The following PEX14 variants were observed in gnomAD, a reference collection of about 807,000 sequenced individuals.
The protein encoded by PEX14 is peroxisomal biogenesis factor 14, also known as peroxisomal membrane protein PEX14.
PEX14 carries 15 observed loss-of-function variants against 49.5 expected under a neutral mutation model. That is an observed-to-expected ratio of 0.30 (90% CI 0.20 to 0.47). The LOEUF (loss-of-function observed/expected upper bound fraction) is 0.47. Among genes scored for constraint, PEX14 ranks in the 20% least tolerant of loss-of-function variants. The probability of loss-of-function intolerance (pLI) is 1.00; values close to 1 mark genes in which losing one functional copy is unlikely to be tolerated. For synonymous variants in PEX14, 210 were observed against 212.7 expected, an observed-to-expected ratio of 0.99 and a Z score of 0.11; for missense variants, 398 against 494.8, an observed-to-expected ratio of 0.80 and a Z score of 1.86.
At chr1:10,505,248 T>C (rs1459853860) in intron 2 of PEX14, among the ~76,000 whole-genome samples, 2 of 152,074 alleles carry the variant, frequency 1.3e-5, no homozygotes, top group African/African-American at 4.8e-5. Context: ...GGCAAGAGAA[T>C]TGCTTGAGCC....
At chr1:10,588,967 A>G (rs1640580991) in intron 3 of PEX14, among the ~76,000 whole-genome samples, 1 of 152,212 alleles carries the variant, frequency 6.6e-6, no homozygotes, top group South Asian at 2.1e-4. Context: ...AGAATTTTGT[A>G]TTATCTGTGG....
intron 5 of PEX14, among the ~76,000 whole-genome samples, chr1:10,622,250 G>A (rs1337330425): frequency 6.6e-6 from 1 of 152,138 alleles, no homozygotes; most frequent in East Asian, 1.9e-4. Flanking sequence ...TGGCCCTGCC[G>A]CATTCACTTT....
chr1:10,591,678 G>GT (rs1557862677), intron 3 of PEX14, among the ~76,000 whole-genome samples: 21 of 80,856 alleles, frequency 2.6e-4, no homozygotes, highest in Admixed American at 4.8e-4. Flanking sequence ...TGTGTGTGTG[G>GT]ACTTCTCTGT....
chr1:10,606,880 T>C (rs147250511), intron 4 of PEX14, among the ~76,000 whole-genome samples: 2 of 152,220 alleles, frequency 1.3e-5, no homozygotes, highest in Admixed American at 1.3e-4. Flanking sequence ...CTTATTGAGA[T>C]GTAATTTACG....
intron 3 of PEX14, among the ~76,000 whole-genome samples, chr1:10,562,107 G>C (rs1047522540): frequency 1.3e-5 from 2 of 152,028 alleles, no homozygotes; most frequent in Non-Finnish European, 2.9e-5. Context: ...GGCTGGTCTT[G>C]AACTCCTGGT....
intron 3 of PEX14, 70 bp from the exon 4 acceptor site, chr1:10,599,168 T>G: frequency 1.3e-6 from 2 of 1,525,890 alleles, no homozygotes; most frequent in Non-Finnish European, 1.8e-6. Context: ...CTTTGCTCAG[T>G]GAAGATTCTG....
At chr1:10,592,670 G>C (rs998559021) in intron 3 of PEX14, among the ~76,000 whole-genome samples, 4 of 152,202 alleles carry the variant, frequency 2.6e-5, no homozygotes, top group Non-Finnish European at 5.9e-5. Flanking sequence ...AAGGGAGTAC[G>C]TCTGCCTTGT....
At chr1:10,598,590 A>G (rs1186804991) in intron 3 of PEX14, among the ~76,000 whole-genome samples, 3 of 152,238 alleles carry the variant, frequency 2.0e-5, no homozygotes, top group Non-Finnish European at 2.9e-5. Context: ...AAAACTAGCC[A>G]AAGGCGATAC....
rs147734656 is a variant in PEX14, at chr1:10,603,867, G to A, written c.298+4501G>A. On this transcript the variant is annotated intron_variant, in intron 4 of 8. Transcript: ENST00000356607. The stretch of plus-strand genomic sequence containing the variant: ...AAACCCCTTCAAAGACTGACCTAGA[G>A]CTTCAGTTGCTTCTTCTCAAAATAG... 1.1e-4 allele frequency among the ~76,000 whole-genome samples: 17 copies of A among 152,326 alleles called. No homozygotes were observed. In the East Asian group the frequency reaches 3.1e-3, roughly 28 times the overall value.
At chr1:10,504,937 C>T (rs1341816456) in intron 2 of PEX14, among the ~76,000 whole-genome samples, 1 of 151,970 alleles carries the variant, frequency 6.6e-6, no homozygotes, top group African/African-American at 2.4e-5. Flanking sequence ...GTGTGCGCCA[C>T]CACACCCAGC....
At chr1:10,557,607 T>C (rs1258072319) in intron 3 of PEX14, among the ~76,000 whole-genome samples, 2 of 152,092 alleles carry the variant, frequency 1.3e-5, no homozygotes, top group Non-Finnish European at 2.9e-5. Context: ...GCAAAAAACC[T>C]CAGAGCTGCT....
At chr1:10,600,962 A>G (rs1389311485) in intron 4 of PEX14, among the ~76,000 whole-genome samples, 1 of 141,910 alleles carries the variant, frequency 7.0e-6, no homozygotes, top group African/African-American at 2.7e-5. Context: ...GCAAAACTCC[A>G]TCTCAAAAAA....
At chr1:10,540,298 A>G (rs1638963442) in intron 3 of PEX14, among the ~76,000 whole-genome samples, 1 of 152,202 alleles carries the variant, frequency 6.6e-6, no homozygotes, top group Non-Finnish European at 1.5e-5. Flanking sequence ...ACAGATTTCA[A>G]TTTAACTCTC....
At chr1:10,586,151 C>T (rs1640478945) in intron 3 of PEX14, among the ~76,000 whole-genome samples, 1 of 152,168 alleles carries the variant, frequency 6.6e-6, no homozygotes, top group Non-Finnish European at 1.5e-5. Flanking sequence ...ATTCTAACAA[C>T]ACAATGAACA....
At chr1:10,621,472 G>A (rs575624883) in intron 5 of PEX14, among the ~76,000 whole-genome samples, 2 of 150,254 alleles carry the variant, frequency 1.3e-5, no homozygotes, top group African/African-American at 2.5e-5. Flanking sequence ...ACAGCCTCCC[G>A]AGGAGCTGGG....
intron 1 of PEX14, among the ~76,000 whole-genome samples, chr1:10,484,471 C>A (rs534391668): frequency 1.3e-5 from 2 of 151,880 alleles, no homozygotes; most frequent in African/African-American, 4.9e-5. Flanking sequence ...CTGCGCCTGA[C>A]CATGAATTAC....
At chr1:10,515,104 A>G (rs1641948487) in intron 2 of PEX14, among the ~76,000 whole-genome samples, 1 of 152,234 alleles carries the variant, frequency 6.6e-6, no homozygotes, top group Admixed American at 6.5e-5. Context: ...GATCTGTGCC[A>G]GGCTTCACCA....
At chr1:10,584,468 A>G (rs1407108971) in intron 3 of PEX14, among the ~76,000 whole-genome samples, 1 of 152,078 alleles carries the variant, frequency 6.6e-6, no homozygotes, top group East Asian at 1.9e-4. Context: ...CCCGACTCCC[A>G]CCCCAAATTA....
chr1:10,537,194 C>T (rs1237200868), intron 3 of PEX14, among the ~76,000 whole-genome samples: 6 of 152,046 alleles, frequency 3.9e-5, no homozygotes, highest in Non-Finnish European at 8.8e-5. Flanking sequence ...GCGATCATGT[C>T]CCGGGGCTGC....
Sources: gnomAD v4.1 joint callset for allele counts (sites outside exome capture counted in the v4.1 genomes callset) on GRCh38, gnomAD v4.1.1 for gene constraint, MANE v1.5 for transcripts, NCBI Gene and HGNC (gene_info 2026-07-23, HGNC 2026-07-21) for gene names.